Variants in RARB observed in about 807,000 individuals in gnomAD.
The protein encoded by RARB is HBV-activated protein.
A neutral mutation model predicts 51.9 loss-of-function variants in RARB; 17 were observed. That is an observed-to-expected ratio of 0.33 (90% confidence interval 0.22 to 0.49). RARB has a LOEUF of 0.49. RARB is among the 20% of genes least tolerant of loss of function. The pLI is 0.99. For missense variants in RARB, 369 were observed against 550.8 expected, an observed-to-expected ratio of 0.67 and a Z score of 3.30; for synonymous variants, 215 against 195.4, an observed-to-expected ratio of 1.10 and a Z score of -0.84.
intron 2 of RARB, among the ~76,000 whole-genome samples, chr3:25,483,527 C>CTTTT (rs199602182): frequency 3.5e-5 from 4 of 113,670 alleles, no homozygotes; most frequent in Non-Finnish European, 3.8e-5. Context: ...CATATTTCTT[C>CTTTT]TTTTTTTTTT....
intron 3 of RARB, among the ~76,000 whole-genome samples, chr3:25,081,465 C>A (rs1038829656): frequency 6.7e-6 from 1 of 149,480 alleles, no homozygotes; most frequent in African/African-American, 2.5e-5. Context: ...TATTCTACAT[C>A]ATTACTGATT....
chr3:25,383,908 G>C (rs1302818431), intron 5 of RARB, among the ~76,000 whole-genome samples: 1 of 150,052 alleles, frequency 6.7e-6, no homozygotes, highest in Non-Finnish European at 1.5e-5. Flanking sequence ...CCAACCTGGG[G>C]GACAAGAGTG....
In RARB at chr3:25,398,903, A is replaced by G. The variant is rs561093541; in HGVS notation, c.179-62290A>G. ...ATGTTATAAATTCATATACCTATGTAATTTTAGATCGACTTACACAAAGGA... is the reference window on the plus strand; with the variant it reads ...ATGTTATAAATTCATATACCTATGTGATTTTAGATCGACTTACACAAAGGA... On this transcript the variant is annotated intron_variant, in intron 5 of 11. Coordinates refer to the RARB transcript ENST00000383772. 1.7e-4 allele frequency among the ~76,000 whole-genome samples: 26 copies of G among 152,304 alleles called. No homozygotes were observed. The East Asian group carries it at 4.6e-3, about 27-fold the overall frequency.
intron 2 of RARB, among the ~76,000 whole-genome samples, chr3:24,916,175 G>A (rs548553769): frequency 1.3e-5 from 2 of 152,260 alleles, no homozygotes; most frequent in Admixed American, 1.3e-4. Context: ...ACAGAAAGCA[G>A]TAGGACACAG....
At chr3:25,223,928 T>C (rs1341484761) in intron 5 of RARB, among the ~76,000 whole-genome samples, 1 of 152,232 alleles carries the variant, frequency 6.6e-6, no homozygotes, top group Non-Finnish European at 1.5e-5. Flanking sequence ...GTCTTTTTAT[T>C]TACTCTGAGT....
At chr3:25,372,492 G>A (rs1385967856) in intron 5 of RARB, among the ~76,000 whole-genome samples, 1 of 152,200 alleles carries the variant, frequency 6.6e-6, no homozygotes, top group Non-Finnish European at 1.5e-5. Flanking sequence ...GCTGTAATAT[G>A]TTCCAGGCAA....
intron 2 of RARB, among the ~76,000 whole-genome samples, chr3:25,051,476 TAGAAG>T (rs1698331019): frequency 6.6e-6 from 1 of 152,080 alleles, no homozygotes; most frequent in Non-Finnish European, 1.5e-5. Context: ...TGCATAAAAA[TAGAAG>T]AGAGGAGAAT....
At chr3:25,271,710 T>C (rs1703261219) in intron 5 of RARB, among the ~76,000 whole-genome samples, 1 of 152,232 alleles carries the variant, frequency 6.6e-6, no homozygotes, top group South Asian at 2.1e-4. Flanking sequence ...AAGAATTTTC[T>C]TATTCAGTAA....
intron 3 of RARB, among the ~76,000 whole-genome samples, chr3:25,095,797 A>G (rs1374580114): frequency 2.0e-5 from 3 of 152,186 alleles, no homozygotes; most frequent in South Asian, 2.1e-4. Context: ...AAGTATTGTC[A>G]TCTGATTTCA....
intron 5 of RARB, among the ~76,000 whole-genome samples, chr3:25,387,402 A>G (rs979116073): frequency 6.6e-6 from 1 of 152,240 alleles, no homozygotes; most frequent in Non-Finnish European, 1.5e-5. Context: ...CCTTATGGGT[A>G]GGAAACACAT....
At chr3:25,304,628 C>T (rs559804357) in intron 5 of RARB, among the ~76,000 whole-genome samples, 1 of 152,174 alleles carries the variant, frequency 6.6e-6, no homozygotes, top group Non-Finnish European at 1.5e-5. Flanking sequence ...AATCTAACCA[C>T]TGATTCCGAC....
intron 2 of RARB, among the ~76,000 whole-genome samples, chr3:24,908,487 A>G (rs1694915694): frequency 2.0e-5 from 3 of 152,140 alleles, no homozygotes; most frequent in Admixed American, 2.0e-4. Flanking sequence ...CCTTGATAAG[A>G]CTAATACTTG....
chr3:24,851,455 C>T (rs1424427293), intron 1 of RARB, among the ~76,000 whole-genome samples: 1 of 151,166 alleles, frequency 6.6e-6, no homozygotes, highest in Admixed American at 6.6e-5. Flanking sequence ...GAAATTGTGG[C>T]CCGATTAGGT....
intron 2 of RARB, among the ~76,000 whole-genome samples, chr3:25,026,214 C>T (rs1405361352): frequency 3.3e-5 from 5 of 152,156 alleles, no homozygotes. Context: ...TTCGAGTTGA[C>T]CCATGTGTAA....
intron 5 of RARB, among the ~76,000 whole-genome samples, chr3:25,341,877 C>T (rs754474539): frequency 6.6e-6 from 1 of 152,064 alleles, no homozygotes; most frequent in Non-Finnish European, 1.5e-5. Flanking sequence ...ACACCTCAAA[C>T]TACGCTAATT....
At chr3:25,308,931 C>A (rs145672959) in intron 5 of RARB, among the ~76,000 whole-genome samples, 288 of 152,226 alleles carry the variant, frequency 1.9e-3, no homozygotes, top group African/African-American at 6.6e-3. Context: ...GAATTATCAC[C>A]TCCATCATTC....
intron 5 of RARB, among the ~76,000 whole-genome samples, chr3:25,312,852 T>A (rs1704323802): frequency 1.3e-5 from 2 of 152,180 alleles, no homozygotes; most frequent in Admixed American, 6.5e-5. Context: ...GCTCTCTGGT[T>A]CTCCTCAATC....
rs186903739 is a variant in RARB at position 25,479,105 on chromosome 3, A to G, written c.306+17764A>G. Among the ~76,000 whole-genome samples the G allele has an allele frequency of 3.4e-4, 51 of 151,532 alleles. 2 individuals carry two copies. The highest frequency in any genetic ancestry group is 3.0e-3 in the Admixed American group (46 of 15,224). On this transcript the variant is annotated intron_variant, in intron 2 of 7. Coordinates refer to ENST00000330688, the MANE Select transcript of RARB (RefSeq NM_000965.5). ...CTTGAAACAGGCATGAATTCTGTAC[A>G]TATTTCTAAGGCTGGGCTGTTTTAA...
chr3:25,460,428 T>TTTTATTTATTTATTTATTTATTTA (rs58159674), intron 1 of RARB, among the ~76,000 whole-genome samples: 40 of 145,582 alleles, frequency 2.7e-4, no homozygotes, highest in African/African-American at 6.4e-4. Context: ...ATTTTAAAAT[T>TTTTATTTATTTATTTATTTATTTA]TTTATTTATT....
Sources: allele counts gnomAD v4.1 joint callset (sites outside exome capture counted in the v4.1 genomes callset), GRCh38; gene constraint gnomAD v4.1.1; transcripts MANE v1.5; gene names NCBI Gene and HGNC (gene_info 2026-07-23, HGNC 2026-07-21).